The following BAZ2B variants were observed in gnomAD, a reference collection of about 807,000 sequenced individuals.
The protein encoded by BAZ2B is bromodomain adjacent to zinc finger domain 2B, also known as bromodomain adjacent to zinc finger domain protein 2B.
In BAZ2B, 91 loss-of-function variants were observed where a neutral mutation model predicts 246.0. That is an observed-to-expected ratio of 0.37 (90% CI 0.31 to 0.44). The LOEUF is 0.44. Ranked by LOEUF, BAZ2B falls within the 20% of genes least tolerant of loss-of-function variation. BAZ2B has a pLI of 1.00. For synonymous variants in BAZ2B, 855 were observed against 860.0 expected (o/e 0.99, Z 0.10); for missense variants, 2,332 against 2,533.7 (o/e 0.92, Z 1.71).
chr2:159,345,282 C>T (rs1412635393), intron 31 of BAZ2B, among the ~76,000 whole-genome samples: 3 of 151,050 alleles, frequency 2.0e-5, no homozygotes, highest in African/African-American at 7.3e-5. Flanking sequence ...TACCACTGTA[C>T]GATGACTATA....
At chr2:159,477,416 A>G (rs1457686567) in intron 3 of BAZ2B, among the ~76,000 whole-genome samples, 1 of 152,010 alleles carries the variant, frequency 6.6e-6, no homozygotes, top group Non-Finnish European at 1.5e-5. Context: ...CCCTAAGAAT[A>G]TATTAGAAAA....
intron 14 of BAZ2B, among the ~76,000 whole-genome samples, chr2:159,408,686 A>T (rs1322760795): frequency 6.6e-6 from 1 of 152,186 alleles, no homozygotes; most frequent in Non-Finnish European, 1.5e-5. Context: ...TGGGAGGCCA[A>T]GACAGATGGA....
chr2:159,326,554 A>G (rs1020354077), intron 34 of BAZ2B, among the ~76,000 whole-genome samples: 1 of 152,256 alleles, frequency 6.6e-6, no homozygotes, highest in African/African-American at 2.4e-5. Flanking sequence ...GAAAAACAAC[A>G]TAGAAAGAAA....
the BAZ2B span, among the ~76,000 whole-genome samples, chr2:159,678,932 T>C: frequency 1.8e-4 from 27 of 152,288 alleles, no homozygotes; most frequent in African/African-American, 6.0e-4. Context: ...AAGGCAACCT[T>C]TTTGAGAATA....
intron 2 of BAZ2B, among the ~76,000 whole-genome samples, chr2:159,519,539 A>G (rs1303170717): frequency 6.6e-6 from 1 of 150,720 alleles, no homozygotes; most frequent in Non-Finnish European, 1.5e-5. Flanking sequence ...CTCATATTCT[A>G]TTTTCTAAAG....
At chr2:159,710,100 C>T in the BAZ2B span, among the ~76,000 whole-genome samples, 13 of 152,172 alleles carry the variant, frequency 8.5e-5, no homozygotes, top group Non-Finnish European at 1.8e-4. Flanking sequence ...ACAGTTTTGA[C>T]TTCAAACACT....
At chr2:159,522,064 A>C (rs2084195107) in intron 2 of BAZ2B, among the ~76,000 whole-genome samples, 1 of 152,048 alleles carries the variant, frequency 6.6e-6, no homozygotes, top group Non-Finnish European at 1.5e-5. Context: ...AGTTTTTAAA[A>C]TAATACTTTT....
Position 159,439,083 on chromosome 2 carries a change from C to T in BAZ2B, c.826G>A (p.Asp276Asn). The T allele has an allele frequency of 6.2e-7, 1 of 1,613,588 alleles. No homozygotes were observed. The change falls in exon 7 of 37, where the codon GAT (aspartate) becomes AAT (asparagine). Residue 276 changes from aspartate to asparagine, a missense_variant. Asp to Asn is a conservative substitution (Grantham distance 23, BLOSUM62 1). Around this residue, in one of 9 missense-constraint regions of BAZ2B, gnomAD observed 161 missense variants for 225.8 expected, o/e 0.71. Coordinates refer to ENST00000392783, the MANE Select transcript of BAZ2B (RefSeq NM_013450.4). ...DDLEEDEEEE[D>N]QSIEESEDDD... is the part of the protein sequence containing the mutation. ...TCTTCACTTTCTTCAATACTTTGAT[C>T]TTCTTCTTCTTCATCTTCTTCTAGA...
At chr2:159,382,462 A>G in intron 25 of BAZ2B, 97 bp downstream of exon 25, 1 of 1,296,584 alleles carries the variant, frequency 7.7e-7, no homozygotes, top group Non-Finnish European at 1.0e-6. Context: ...AAATGTCAAA[A>G]CTGAATTCAA....
chr2:159,427,915 G>A, intron 13 of BAZ2B, 26 bp downstream of exon 13: 1 of 1,587,174 alleles, frequency 6.3e-7, no homozygotes. Flanking sequence ...TTGGTTCAAA[G>A]ACTATACTTT....
chr2:159,516,346 AAAC>A (rs561315861), intron 2 of BAZ2B: 316 of 152,212 alleles, frequency 2.1e-3, no homozygotes, highest in African/African-American at 5.9e-3. Flanking sequence ...CAGCACTCCA[AAAC>A]AACAAGCCGT....
chr2:159,706,876 C>T, the BAZ2B span, among the ~76,000 whole-genome samples: 2 of 152,174 alleles, frequency 1.3e-5, no homozygotes, highest in African/African-American at 4.8e-5. Flanking sequence ...AAAGAGATTA[C>T]TCTTGATAAT....
chr2:159,690,233 C>T, the BAZ2B span: 1 of 411,584 alleles, frequency 2.4e-6, no homozygotes, highest in Non-Finnish European at 4.7e-6. Context: ...CACATTATAT[C>T]AATCTTTCTT....
At chr2:159,547,967 ATGCTT>A (rs2087613707) in intron 2 of BAZ2B, among the ~76,000 whole-genome samples, 1 of 152,214 alleles carries the variant, frequency 6.6e-6, no homozygotes, top group Admixed American at 6.5e-5. Flanking sequence ...AACATCATGC[ATGCTT>A]TTAGCTCCAT....
chr2:159,431,778 A>G (rs903849593), intron 9 of BAZ2B, among the ~76,000 whole-genome samples: 4 of 152,190 alleles, frequency 2.6e-5, no homozygotes, highest in Non-Finnish European at 5.9e-5. Flanking sequence ...ATTCCTCTAC[A>G]TATGTAAAAT....
At chr2:159,577,829 C>G (rs949074507) in intron 1 of BAZ2B, among the ~76,000 whole-genome samples, 4 of 152,130 alleles carry the variant, frequency 2.6e-5, no homozygotes, top group African/African-American at 9.7e-5. Flanking sequence ...ACTTACTAAA[C>G]ACACTGAAAC....
intron 27 of BAZ2B, among the ~76,000 whole-genome samples, chr2:159,353,063 G>A (rs2058726231): frequency 6.6e-6 from 1 of 152,170 alleles, no homozygotes; most frequent in African/African-American, 2.4e-5. Context: ...GTATTCCTTA[G>A]AGAACTTTCC....
chr2:159,635,605 T>C, the BAZ2B span, among the ~76,000 whole-genome samples: 1 of 150,776 alleles, frequency 6.6e-6, no homozygotes, highest in South Asian at 2.1e-4. Flanking sequence ...AATAATTTGT[T>C]TCTTTTTTTT....
At chr2:159,688,952 A>G in the BAZ2B span, among the ~76,000 whole-genome samples, 5 of 152,180 alleles carry the variant, frequency 3.3e-5, no homozygotes, top group African/African-American at 7.2e-5. Flanking sequence ...TAAAGGTGGT[A>G]TATGTCATGT....
Sources: allele counts gnomAD v4.1 joint callset (sites outside exome capture counted in the v4.1 genomes callset), GRCh38; gene constraint gnomAD v4.1.1; regional missense constraint gnomAD v4.1.1; transcripts MANE v1.5; gene names NCBI Gene and HGNC (gene_info 2026-07-23, HGNC 2026-07-21).